SHQ1: variants seen among roughly 807,000 people sequenced by gnomAD.
The protein encoded by SHQ1 is SHQ1, H/ACA ribonucleoprotein assembly factor.
SHQ1 carries 49 observed loss-of-function variants against 53.8 expected under a neutral mutation model. That is an observed-to-expected ratio of 0.91 (90% confidence interval 0.72 to 1.16). The LOEUF (loss-of-function observed/expected upper bound fraction) is 1.16, where lower values mean the gene tolerates loss of function less well. Among genes scored for constraint, SHQ1 ranks in the 50% most tolerant of loss-of-function variants. The pLI is 0.00. For synonymous variants in SHQ1, 243 were observed against 251.0 expected, an observed-to-expected ratio of 0.97 and a Z score of 0.30; for missense variants, 738 against 683.1, an observed-to-expected ratio of 1.08 and a Z score of -0.90.
chr3:72,824,747 G>A (rs1027226371), intron 5 of SHQ1, among the ~76,000 whole-genome samples, 196 bp from the exon 6 acceptor site: 8 of 149,302 alleles, frequency 5.4e-5, no homozygotes, highest in Non-Finnish European at 1.0e-4. Context: ...TAAAACAAAA[G>A]TAAGTATCTG....
chr3:72,765,185 C>T (rs1705692867), intron 10 of SHQ1, among the ~76,000 whole-genome samples: 1 of 152,194 alleles, frequency 6.6e-6, no homozygotes, highest in African/African-American at 2.4e-5. Context: ...CTCTGCAAAG[C>T]TGGGCTTTCT....
In SHQ1 at chr3:72,841,087, A is replaced by AT; in HGVS notation, c.443dup (p.Tyr148Ter). The change falls in exon 4 of 11, where the codon TAT becomes TAAT. Residue 148 changes from tyrosine (Y) to a stop codon, truncating the protein, a stop_gained and frameshift_variant. Transcript: ENST00000325599. LOFTEE classifies it high-confidence loss of function. The part of the protein sequence containing the change: ...SESALNPQCH[Y>*]GFGNLRSGVL... Reference sequence around the variant, plus strand: ...CTCCTGATCGTAAGTTTCCAAATCCATAGTGGCACTGCGGATTCAAAGCAC... The same window carrying AT: ...CTCCTGATCGTAAGTTTCCAAATCCATTAGTGGCACTGCGGATTCAAAGCAC... The AT allele has an allele frequency of 1.2e-6, 2 of 1,613,950 alleles. No individual in the cohort carries two copies. Among genetic ancestry groups the AT allele is most frequent in the Non-Finnish European group, 1.7e-6 (2 of 1,179,924 alleles).
chr3:72,735,283 T>TG, the SHQ1 span, among the ~76,000 whole-genome samples: 1 of 150,508 alleles, frequency 6.6e-6, no homozygotes, highest in East Asian at 1.9e-4. Flanking sequence ...CTGGGCTCAG[T>TG]GGGGGCGGTT....
chr3:72,765,405 A>G (rs1440235856), intron 10 of SHQ1, among the ~76,000 whole-genome samples: 2 of 148,194 alleles, frequency 1.3e-5, no homozygotes, highest in African/African-American at 5.0e-5. Flanking sequence ...ACAGTGCATC[A>G]GGGCTGCATT....
chr3:72,740,893 G>A, the SHQ1 span, among the ~76,000 whole-genome samples: 1 of 152,132 alleles, frequency 6.6e-6, no homozygotes, highest in Non-Finnish European at 1.5e-5. Context: ...CCTGAGTCGA[G>A]TTTGCAAGAC....
chr3:72,738,061 A>C, the SHQ1 span, among the ~76,000 whole-genome samples: 1 of 151,992 alleles, frequency 6.6e-6, no homozygotes, highest in South Asian at 2.1e-4. Context: ...TTGTTCCCTC[A>C]CCCACCACAT....
At chr3:72,788,131 G>A (rs957364534) in intron 10 of SHQ1, among the ~76,000 whole-genome samples, 24 of 152,140 alleles carry the variant, frequency 1.6e-4, no homozygotes, top group Admixed American at 4.6e-4. Context: ...CTGCCCGGCC[G>A]CCACCCCGTC....
chr3:72,734,185 T>A, the SHQ1 span, among the ~76,000 whole-genome samples: 1 of 151,278 alleles, frequency 6.6e-6, no homozygotes, highest in African/African-American at 2.4e-5. Context: ...ATATCAGGCC[T>A]GTAAAGCCCC....
chr3:72,788,068 C>T (rs1265458815), intron 10 of SHQ1, among the ~76,000 whole-genome samples: 2 of 152,208 alleles, frequency 1.3e-5, no homozygotes, highest in Non-Finnish European at 2.9e-5. Flanking sequence ...TCGCTACAAC[C>T]TCAACCTCCC....
At position 72,846,317 on chromosome 3, in the gene SHQ1, G is replaced by A. The variant is rs749805320; in HGVS notation, c.143+1881C>T. On this transcript the variant is annotated intron_variant, in intron 1 of 10. Coordinates refer to ENST00000325599, the MANE Select transcript of SHQ1 (RefSeq NM_018130.3). ...TATGTTCTTTTTTTTTTTTTTTTTA[G>A]ACAGTCTCGCTCTGTTACTCAGGCT... 2,044 of 1,274,312 alleles carry A rather than the reference G, an allele frequency of 1.6e-3. 18 individuals carry two copies. In the African/African-American group the frequency reaches 0.021, roughly 13 times the overall value. 78.9% of individuals were successfully genotyped at this position (1,274,312 alleles called of 1,614,324 possible).
At chr3:72,829,909 A>G (rs186822059) in intron 5 of SHQ1, among the ~76,000 whole-genome samples, 52 of 152,350 alleles carry the variant, frequency 3.4e-4, no homozygotes, top group Non-Finnish European at 1.5e-5. Context: ...AAACACTCTC[A>G]GCAAGAGAAG....
At position 72,815,350 on chromosome 3, in the gene SHQ1, C is replaced by T. The variant is rs750759655; in HGVS notation, c.936G>A (p.Glu312=). ...RKLSPTLCWF[E]TWTNVHDIMV... Reference sequence around the variant, plus strand: ...AAACAATTGCAACTGGAAATCATACCTCAAACCAGCATAGTGTTGGACTCA... The same window carrying T: ...AAACAATTGCAACTGGAAATCATACTTCAAACCAGCATAGTGTTGGACTCA... Residue 312 remains glutamate, a splice_region_variant and synonymous_variant, in exon 8 of 11, where the codon GAG becomes GAA. Coordinates refer to ENST00000325599, the MANE Select transcript of SHQ1 (RefSeq NM_018130.3). 11 of 1,612,502 alleles carry T rather than the reference C, an allele frequency of 6.8e-6. No individual in the cohort carries two copies. Among genetic ancestry groups the T allele is most frequent in the African/African-American group, 1.3e-5 (1 of 74,868 alleles).
the SHQ1 span, among the ~76,000 whole-genome samples, chr3:72,743,207 G>A: frequency 3.3e-4 from 50 of 152,304 alleles, no homozygotes; most frequent in East Asian, 8.5e-3. Context: ...TAGAAGATAA[G>A]AATCTCTTTC....
chr3:72,845,770 CA>C (rs1708310958), intron 1 of SHQ1, among the ~76,000 whole-genome samples: 1 of 152,078 alleles, frequency 6.6e-6, no homozygotes, highest in Non-Finnish European at 1.5e-5. Context: ...TGATTAAAAA[CA>C]AAAACAGCTG....
chr3:72,737,126 A>G, the SHQ1 span, among the ~76,000 whole-genome samples: 1 of 151,730 alleles, frequency 6.6e-6, no homozygotes, highest in Non-Finnish European at 1.5e-5. Context: ...AAAAATAAAA[A>G]TATTAGCCGG....
chr3:72,771,286 A>G (rs1323415669), intron 10 of SHQ1, among the ~76,000 whole-genome samples: 2 of 152,204 alleles, frequency 1.3e-5, no homozygotes, highest in Non-Finnish European at 2.9e-5. Flanking sequence ...AAGTTTATAA[A>G]CAGTGTTACA....
the SHQ1 span, among the ~76,000 whole-genome samples, chr3:72,726,712 C>A: frequency 6.6e-6 from 1 of 152,112 alleles, no homozygotes; most frequent in Non-Finnish European, 1.5e-5. Flanking sequence ...AAGCTCAGGG[C>A]GAAGCTCATC....
chr3:72,791,023 C>A (rs1204683709), intron 10 of SHQ1, among the ~76,000 whole-genome samples: 1 of 152,118 alleles, frequency 6.6e-6, no homozygotes, highest in African/African-American at 2.4e-5. Context: ...GTCTGATAAT[C>A]CCTACATCTA....
At chr3:72,816,308 A>G (rs528283903) in intron 7 of SHQ1, among the ~76,000 whole-genome samples, 1 of 152,310 alleles carries the variant, frequency 6.6e-6, no homozygotes, top group African/African-American at 2.4e-5. Flanking sequence ...TTGGAAATAG[A>G]TACATCACCA....
Sources: gnomAD v4.1 joint callset for allele counts (sites outside exome capture counted in the v4.1 genomes callset) on GRCh38, gnomAD v4.1.1 for gene constraint, MANE v1.5 for transcripts, NCBI Gene and HGNC (gene_info 2026-07-23, HGNC 2026-07-21) for gene names.